Variants in PLG observed in about 807,000 individuals in gnomAD.
The protein encoded by PLG is plasminogen.
A neutral mutation model predicts 104.4 loss-of-function variants in PLG; 41 were observed. The ratio of observed to expected loss-of-function variants is 0.39; its 90% confidence interval spans 0.31 to 0.51. The LOEUF (loss-of-function observed/expected upper bound fraction) is 0.51, where lower values mean the gene tolerates loss of function less well. Among genes scored for constraint, PLG ranks in the 20% least tolerant of loss-of-function variants. PLG has a pLI of 0.76. For synonymous variants in PLG, 337 were observed against 357.1 expected, an observed-to-expected ratio of 0.94 and a Z score of 0.63; for missense variants, 891 against 1,003.6, an observed-to-expected ratio of 0.89 and a Z score of 1.52.
chr6:160,742,497 G>T lies in PLG; in HGVS notation c.2125+1080G>T, dbSNP rs537244267. On this transcript the variant is annotated intron_variant, in intron 17 of 18. Coordinates refer to ENST00000308192, the MANE Select transcript of PLG (RefSeq NM_000301.5). ...TGTCCCCTGTCCATTTTTTAATGGGGTTTTTTTTTTCTTGTAAATTTGTTT... is the reference window on the plus strand; with the variant it reads ...TGTCCCCTGTCCATTTTTTAATGGGTTTTTTTTTTTCTTGTAAATTTGTTT... 5.5e-3 allele frequency among the ~76,000 whole-genome samples: 819 copies of T among 149,260 alleles called. 5 individuals carry two copies. The highest frequency in any genetic ancestry group is 8.8e-3 in the Admixed American group (132 of 14,998).
rs535497636 is a variant in PLG, at chr6:160,751,403, G to A, written c.2126-712G>A. ...AATGATAAAAGTGCCTGTTTCACAG[G>A]ACTATTGCGAGGATTAAGTGAGATA... On this transcript the variant is annotated intron_variant, in intron 17 of 18. Transcript: ENST00000308192. Among the ~76,000 whole-genome samples, 6 of 152,290 alleles carry A rather than the reference G, an allele frequency of 3.9e-5. No individual in the cohort carries two copies. In the East Asian group the frequency reaches 9.6e-4, roughly 24 times the overall value.
chr6:160,743,155 A>G (rs11961341), intron 17 of PLG, among the ~76,000 whole-genome samples: 1 of 151,390 alleles, frequency 6.6e-6, no homozygotes, highest in South Asian at 2.1e-4. Context: ...CTTTTTGGTT[A>G]TATATAAATT....
At position 160,753,621 on chromosome 6, in the gene PLG, G is replaced by T. The variant is rs373956668; in HGVS notation, c.*560G>T. 1.3e-4 allele frequency among the ~76,000 whole-genome samples: 20 copies of T among 151,990 alleles called. No homozygotes were observed. Among genetic ancestry groups the T allele is most frequent in the Admixed American group, 1.3e-3 (20 of 15,226 alleles). ...CCGACTGCTTGACTTGAGCCCAGGG[G>T]ACACGGAGCAGAGAGCTGTATATGA... is the stretch of plus-strand genomic sequence containing the variant. On this transcript the variant is annotated 3_prime_UTR_variant, in exon 19 of 19. Coordinates refer to ENST00000308192, the MANE Select transcript of PLG (RefSeq NM_000301.5). This position sits in a 1 kb window ranked among gnomAD's most constrained non-coding sequence, Gnocchi z 5.4.
At position 160,735,766 on chromosome 6, in the gene PLG, GCAGGGTAC is replaced by G. The variant is rs551376656; in HGVS notation, c.1682-1118_1682-1111del. Among the ~76,000 whole-genome samples the G allele has an allele frequency of 9.2e-5, 14 of 152,320 alleles. No homozygotes were observed. In the East Asian group the frequency reaches 2.7e-3, roughly 29 times the overall value. On this transcript the variant is annotated intron_variant, in intron 13 of 18. Coordinates refer to ENST00000308192, the MANE Select transcript of PLG (RefSeq NM_000301.5). This position sits in a 1 kb window ranked among gnomAD's most constrained non-coding sequence, Gnocchi z 5.4. ...TTCAGTTTTGTTTTGAATAGTAGGA[GCAGGGTAC>G]CATCATTTCTGTAGTTACTCTTTTA...
intron 17 of PLG, among the ~76,000 whole-genome samples, chr6:160,745,548 A>C (rs527271621): frequency 6.6e-6 from 1 of 152,288 alleles, no homozygotes; most frequent in South Asian, 2.1e-4. Context: ...GTGTCATTAC[A>C]TGTGAGATGG....
intron 17 of PLG, among the ~76,000 whole-genome samples, chr6:160,746,508 G>A (rs1043792580): frequency 6.6e-6 from 1 of 152,166 alleles, no homozygotes; most frequent in East Asian, 1.9e-4. Context: ...TTTTAAACCA[G>A]TGATTTTGTC....
At chr6:160,721,516 G>T (rs1463922347) in intron 9 of PLG, among the ~76,000 whole-genome samples, 1 of 152,122 alleles carries the variant, frequency 6.6e-6, no homozygotes, top group African/African-American at 2.4e-5. Flanking sequence ...ACTTAGAGTG[G>T]GGCCTGGGGT....
chr6:160,708,308 T>A (rs1312936809), intron 3 of PLG: 2 of 153,204 alleles, frequency 1.3e-5, no homozygotes, highest in African/African-American at 2.4e-5. Context: ...TGGTCTATAT[T>A]TTTCTCAGAT....
At position 160,736,781 on chromosome 6, in the gene PLG, C is replaced by T. The variant is rs1778088149; in HGVS notation, c.1682-106C>T. On this transcript the variant is annotated intron_variant, in intron 13 of 18. Coordinates refer to ENST00000308192, the MANE Select transcript of PLG (RefSeq NM_000301.5). This position sits in a 1 kb window ranked among gnomAD's most constrained non-coding sequence, Gnocchi z 5.2. ...AAGATGATGATTTTACTATTTAGTT[C>T]GGCCTTTAAGATGTCAAAAACTCAG... The T allele has an allele frequency of 1.2e-5, 17 of 1,398,800 alleles. No homozygotes were observed. Among genetic ancestry groups the T allele is most frequent in the Admixed American group, 5.1e-5 (3 of 58,364 alleles). 86.6% of individuals were successfully genotyped at this position (1,398,800 alleles called of 1,614,324 possible).
In PLG at chr6:160,735,453, T is replaced by A. The variant is rs776857694; in HGVS notation, c.1681+1365T>A. Among the ~76,000 whole-genome samples the A allele has an allele frequency of 6.6e-6, 1 of 152,092 alleles. No homozygotes were observed. The highest frequency in any genetic ancestry group is 6.5e-5 in the Admixed American group (1 of 15,276). ...TGTACAAGAATCAGGTTCTTAGAGA[T>A]TGGAGAAAGAAGGAAGAATGGGAAC... On this transcript the variant is annotated intron_variant, in intron 13 of 18. Coordinates refer to ENST00000308192, the MANE Select transcript of PLG (RefSeq NM_000301.5). The surrounding 1 kb of genome is among the most constrained non-coding windows in gnomAD (Gnocchi z 5.4).
In PLG at chr6:160,738,367, TC is replaced by T. The variant is rs1778124186; in HGVS notation, c.1803-169del. 9.4e-6 allele frequency: 6 copies of T among 640,262 alleles called. No individual in the cohort carries two copies. The highest frequency in any genetic ancestry group is 1.7e-5 in the Non-Finnish European group (6 of 347,836). The allele number at this position is 640,262 out of a possible 1,614,324, so 39.7% of individuals were successfully genotyped here. On this transcript the variant is annotated intron_variant, in intron 14 of 18. Transcript: ENST00000308192. This position sits in a 1 kb window ranked among gnomAD's most constrained non-coding sequence, Gnocchi z 6.8. ...GATGGGCCCTTCTCAAAAATCCCAC[TC>T]CTGGAGCACTGGCCAAAATTACTAC...
rs1777700404 is a variant in PLG at position 160,714,642 on chromosome 6, CCAATTTTATT to C, written c.548-151_548-142del. The C allele has an allele frequency of 1.5e-5, 6 of 400,192 alleles. 2 individuals carry two copies. Among genetic ancestry groups the C allele is most frequent in the South Asian group, 4.6e-5 (2 of 43,294 alleles). The allele number at this position is 400,192 out of a possible 1,614,324, so 24.8% of individuals were successfully genotyped here. On this transcript the variant is annotated intron_variant, in intron 5 of 18. Coordinates refer to ENST00000308192, the MANE Select transcript of PLG (RefSeq NM_000301.5). ...GCTAGAAAATCCTGAGTCCTTATTG[CCAATTTTATT>C]GCCAAGTGCCTGTTGTGAATTACAT...
chr6:160,737,249 CT>C lies in PLG; in HGVS notation c.1802+243del, dbSNP rs1449456788. Among the ~76,000 whole-genome samples, 21 of 152,252 alleles carry C rather than the reference CT, an allele frequency of 1.4e-4. No homozygotes were observed. Among genetic ancestry groups the C allele is most frequent in the African/African-American group, 5.1e-4 (21 of 41,550 alleles). On this transcript the variant is annotated intron_variant, in intron 14 of 18. Transcript: ENST00000308192. The surrounding 1 kb of genome is among the most constrained non-coding windows in gnomAD (Gnocchi z 4.7). ...TTGATCTGGGCAGCTCCATCAAAATCTGTAGGCACAGTGATTTGCACCAAGT... is the reference window on the plus strand; with the variant it reads ...TTGATCTGGGCAGCTCCATCAAAATCGTAGGCACAGTGATTTGCACCAAGT...
chr6:160,720,410 C>CTTT lies in PLG; in HGVS notation c.1096+1597_1096+1599dup, dbSNP rs3057066. ...TCTTTTCTCTTTTTTCTTTTCTTTT[C>CTTT]TTTTTTTTTTTTTTTTTTTTTTTTT... is the stretch of plus-strand genomic sequence containing the variant. On this transcript the variant is annotated intron_variant, in intron 9 of 18. Transcript: ENST00000308192. 8.1e-3 allele frequency among the ~76,000 whole-genome samples: 473 copies of CTTT among 58,500 alleles called. 113 individuals are homozygous for CTTT. The highest frequency in any genetic ancestry group is 0.017 in the African/African-American group (220 of 12,918). The allele number at this position is 58,500 out of a possible 152,430, so 38.4% of individuals were successfully genotyped here.
chr6:160,737,079 T>A lies in PLG; in HGVS notation c.1802+72T>A, dbSNP rs1582947184. The A allele has an allele frequency of 6.3e-7, 1 of 1,599,640 alleles. No homozygotes were observed. Among genetic ancestry groups the A allele is most frequent in the East Asian group, 2.3e-5 (1 of 44,338 alleles). The stretch of plus-strand genomic sequence containing the variant: ...CCTGCAAAACCCTTCTACATTTACA[T>A]AAAATCCACACAGCTGAGGCATCAG... On this transcript the variant is annotated intron_variant, in intron 14 of 18. Coordinates refer to ENST00000308192, the MANE Select transcript of PLG (RefSeq NM_000301.5). The surrounding 1 kb of genome is among the most constrained non-coding windows in gnomAD (Gnocchi z 4.7).
intron 17 of PLG, among the ~76,000 whole-genome samples, chr6:160,749,447 C>T (rs1197021113): frequency 6.6e-6 from 1 of 150,946 alleles, no homozygotes; most frequent in Non-Finnish European, 1.5e-5. Context: ...CTCATCATTC[C>T]ACCACCATCA....
At chr6:160,707,862 C>A in intron 3 of PLG, 56 bp downstream of exon 3, 2 of 1,163,298 alleles carry the variant, frequency 1.7e-6, no homozygotes, top group South Asian at 1.2e-5. Context: ...CCCACTCTTC[C>A]TCTTTCTCTA....
Position 160,719,738 on chromosome 6 carries a change from T to A in PLG, c.1096+900T>A, listed in dbSNP as rs930058742. Among the ~76,000 whole-genome samples the A allele has an allele frequency of 2.0e-5, 3 of 152,284 alleles. No individual in the cohort carries two copies. Among genetic ancestry groups the A allele is most frequent in the African/African-American group, 7.2e-5 (3 of 41,564 alleles). On this transcript the variant is annotated intron_variant, in intron 9 of 18. Transcript: ENST00000308192. This position sits in a 1 kb window ranked among gnomAD's most constrained non-coding sequence, Gnocchi z 4.1. The stretch of plus-strand genomic sequence containing the variant: ...CACATTCCACCTTCAAATGATATCA[T>A]TCTACTTGACATATGAATCCTTACA...
At position 160,734,823 on chromosome 6, in the gene PLG, C is replaced by T. The variant is rs1057275286; in HGVS notation, c.1681+735C>T. On this transcript the variant is annotated intron_variant, in intron 13 of 18. Coordinates refer to ENST00000308192, the MANE Select transcript of PLG (RefSeq NM_000301.5). This position sits in a 1 kb window ranked among gnomAD's most constrained non-coding sequence, Gnocchi z 4.4. ...ACATTCTGCTGACCAATCAATTTGTCCTAGTTACAGAAAACCACCCTGGAC... is the reference window on the plus strand; with the variant it reads ...ACATTCTGCTGACCAATCAATTTGTTCTAGTTACAGAAAACCACCCTGGAC... Among the ~76,000 whole-genome samples, 1 of 151,390 alleles carries T rather than the reference C, an allele frequency of 6.6e-6. No homozygotes were observed. Among genetic ancestry groups the T allele is most frequent in the African/African-American group, 2.4e-5 (1 of 41,158 alleles).
Sources: gnomAD v4.1 joint callset for allele counts (sites outside exome capture counted in the v4.1 genomes callset) on GRCh38, gnomAD v4.1.1 for gene constraint, Gnocchi (gnomAD v3.1) non-coding constraint, MANE v1.5 for transcripts, NCBI Gene and HGNC (gene_info 2026-07-23, HGNC 2026-07-21) for gene names.